Variants in GPATCH8 observed in about 807,000 individuals in gnomAD.
GPATCH8 encodes the protein G patch domain-containing protein 8.
Under a neutral mutation model 118.3 loss-of-function variants are expected in GPATCH8, and 18 were observed. That is an observed-to-expected ratio of 0.15 (90% CI 0.11 to 0.23). The LOEUF (loss-of-function observed/expected upper bound fraction) is 0.23. Ranked by LOEUF, GPATCH8 falls within the 10% of genes least tolerant of loss-of-function variation. The pLI is 1.00. For missense variants in GPATCH8, 1,631 were observed against 1,873.8 expected (o/e 0.87, Z 2.39); for synonymous variants, 659 against 684.7 (o/e 0.96, Z 0.59).
intron 3 of GPATCH8, among the ~76,000 whole-genome samples, chr17:44,454,653 C>A (rs971286678): frequency 1.3e-5 from 2 of 152,108 alleles, no homozygotes; most frequent in Non-Finnish European, 2.9e-5. Flanking sequence ...GAACTCCTGG[C>A]CTCAAGCAAT....
At chr17:44,423,401 T>C (rs2049983022) in intron 6 of GPATCH8, among the ~76,000 whole-genome samples, 1 of 152,160 alleles carries the variant, frequency 6.6e-6, no homozygotes, top group South Asian at 2.1e-4. Flanking sequence ...ATTCTTCCAG[T>C]TCTAGTAAGA....
chr17:44,396,303 T>C lies in GPATCH8; in HGVS notation c.*1265A>G, dbSNP rs756590008. 49 of 454,398 alleles carry C rather than the reference T, an allele frequency of 1.1e-4. No individual in the cohort carries two copies. The highest frequency in any genetic ancestry group is 1.9e-4 in the Non-Finnish European group (44 of 226,794). 28.1% of individuals were successfully genotyped at this position (454,398 alleles called of 1,614,324 possible). On this transcript the variant is annotated 3_prime_UTR_variant, in exon 8 of 8. Coordinates refer to ENST00000591680, the MANE Select transcript of GPATCH8 (RefSeq NM_001002909.4). ...GCTGTTGAATCCCCTCCTTCTCCTCTGTGGGGTCTACCTGTTTCTCTGTGT... is the reference window on the plus strand; with the variant it reads ...GCTGTTGAATCCCCTCCTTCTCCTCCGTGGGGTCTACCTGTTTCTCTGTGT...
In GPATCH8 at chr17:44,400,846, G is replaced by C; in HGVS notation, c.1231C>G (p.Leu411Val). 6.2e-7 allele frequency: 1 copy of C among 1,614,112 alleles called. No homozygotes were observed. The highest frequency in any genetic ancestry group is 8.5e-7 in the Non-Finnish European group (1 of 1,179,934). Residue 411 changes from leucine (L) to valine (V), a missense_variant, in exon 8 of 8, where the codon CTA (leucine) becomes GTA (valine). Around this residue, in one of 8 missense-constraint regions of GPATCH8, gnomAD observed 405 missense variants for 462.7 expected, o/e 0.88. Transcript: ENST00000591680. ...TGTTCACTGGCTCTCATAAAAAGTA[G>C]AAAGGGAAAATTAGGTTTTACTTTG... is the stretch of plus-strand genomic sequence containing the variant. ...HCKVKPNFPF[L>V]LFMRASEQMD...
At chr17:44,475,619 G>A (rs1435603816) in intron 1 of GPATCH8, among the ~76,000 whole-genome samples, 56 of 151,992 alleles carry the variant, frequency 3.7e-4, no homozygotes, top group African/African-American at 1.2e-3. Context: ...GCGTGAACCC[G>A]GGAGGCGGAG....
chr17:44,451,097 G>C (rs975394417), intron 3 of GPATCH8, among the ~76,000 whole-genome samples: 1 of 152,062 alleles, frequency 6.6e-6, no homozygotes, highest in African/African-American at 2.4e-5. Context: ...TAAAGACTTA[G>C]TACAGATCTG....
At chr17:44,486,899 C>A (rs1968826883) in intron 1 of GPATCH8, 1 of 151,710 alleles carries the variant, frequency 6.6e-6, no homozygotes, top group Non-Finnish European at 1.5e-5. Context: ...TTTATTTTTT[C>A]AAGCAGTTTT....
Position 44,399,621 on chromosome 17 carries a change from T to A in GPATCH8, c.2456A>T (p.Asp819Val), listed in dbSNP as rs2048930782. The A allele has an allele frequency of 6.2e-7, 1 of 1,614,160 alleles. No homozygotes were observed. Among genetic ancestry groups the A allele is most frequent in the East Asian group, 2.2e-5 (1 of 44,876 alleles). Residue 819 changes from aspartate to valine, a missense_variant, in exon 8 of 8, where the codon GAT (aspartate) becomes GTT (valine). Around this residue, in one of 8 missense-constraint regions of GPATCH8, gnomAD observed 922 missense variants for 879.7 expected, o/e 1.05. Transcript: ENST00000591680. ...HRSQPSSGDE[D>V]SDDASSHRLH... ...CCGGTGTGAGGAAGCATCATCACTATCCTCATCTCCACTACTGGGTTGGCT... is the reference window on the plus strand; with the variant it reads ...CCGGTGTGAGGAAGCATCATCACTAACCTCATCTCCACTACTGGGTTGGCT...
At chr17:44,502,477 T>G (rs1411391530) in intron 1 of GPATCH8, among the ~76,000 whole-genome samples, 1 of 152,160 alleles carries the variant, frequency 6.6e-6, no homozygotes, top group Non-Finnish European at 1.5e-5. Flanking sequence ...AAAGGTATTT[T>G]CAACAGCGAA....
In GPATCH8 at chr17:44,401,269, T is replaced by A. The variant is rs774580972; in HGVS notation, c.808A>T (p.Thr270Ser). 1 of 1,613,324 alleles carries A rather than the reference T, an allele frequency of 6.2e-7. No individual in the cohort carries two copies. The highest frequency in any genetic ancestry group is 8.5e-7 in the Non-Finnish European group (1 of 1,179,524). The change falls in exon 8 of 8, where the codon ACT becomes TCT. Residue 270 changes from threonine to serine, a missense_variant. Coordinates refer to ENST00000591680, the MANE Select transcript of GPATCH8 (RefSeq NM_001002909.4). ...AACCCAGGAGCCTGGGCCAGTCCAG[T>A]GGTATTAGTGATTTGTACTGCAGTG... ...PFTAVQITNT[T>S]GLAQAPGLAS...
At chr17:44,437,753 T>TG (rs146984908) in intron 3 of GPATCH8, among the ~76,000 whole-genome samples, 154 of 152,146 alleles carry the variant, frequency 1.0e-3, no homozygotes, top group African/African-American at 3.7e-3. Context: ...CACAACCACT[T>TG]GTACTCGGTG....
intron 1 of GPATCH8, among the ~76,000 whole-genome samples, chr17:44,502,959 C>T (rs1048695857): frequency 7.9e-5 from 12 of 152,240 alleles, no homozygotes; most frequent in Non-Finnish European, 1.3e-4. Context: ...CTCCCCCAAG[C>T]CCTCTCAGCC....
rs540464253 is a variant in GPATCH8 at position 44,443,955 on chromosome 17, T to C, written c.194-7410A>G. Among the ~76,000 whole-genome samples the C allele has an allele frequency of 5.5e-4, 84 of 152,338 alleles. No individual in the cohort carries two copies. In the East Asian group the frequency reaches 0.016, roughly 29 times the overall value. On this transcript the variant is annotated intron_variant, in intron 3 of 7. Transcript: ENST00000591680. Reference sequence around the variant, plus strand: ...CCACAAGGTGCTGGGATTACAGACATGAGCCATGGTGCCTGGCCAATTTGA... The same window carrying C: ...CCACAAGGTGCTGGGATTACAGACACGAGCCATGGTGCCTGGCCAATTTGA...
intron 6 of GPATCH8, among the ~76,000 whole-genome samples, chr17:44,415,031 A>C (rs1381709311): frequency 1.3e-5 from 2 of 152,210 alleles, no homozygotes; most frequent in Non-Finnish European, 2.9e-5. Context: ...ATGCTGCTAT[A>C]AACATTTTTA....
intron 3 of GPATCH8, among the ~76,000 whole-genome samples, chr17:44,438,500 CTTCT>C (rs1472054995): frequency 6.6e-6 from 1 of 151,868 alleles, no homozygotes; most frequent in East Asian, 1.9e-4. Flanking sequence ...AGATACATCC[CTTCT>C]TAACATTACC....
chr17:44,450,786 A>T (rs1031956231), intron 3 of GPATCH8, among the ~76,000 whole-genome samples: 6 of 152,220 alleles, frequency 3.9e-5, no homozygotes, highest in Admixed American at 3.3e-4. Flanking sequence ...CTCATGGAAG[A>T]ATAAAGAGAT....
intron 2 of GPATCH8, among the ~76,000 whole-genome samples, chr17:44,468,373 C>CTTTTTTTTTTTTT (rs869068538): frequency 3.0e-5 from 3 of 100,014 alleles, no homozygotes; most frequent in African/African-American, 4.3e-5. Flanking sequence ...TTCTTTGTTC[C>CTTTTTTTTTTTTT]TTTTTTTTTT....
At chr17:44,485,365 C>T (rs549802512) in intron 1 of GPATCH8, among the ~76,000 whole-genome samples, 9 of 152,292 alleles carry the variant, frequency 5.9e-5, no homozygotes, top group Admixed American at 3.3e-4. Flanking sequence ...CCCCCTGCTT[C>T]GGCCTCCAAA....
Position 44,396,911 on chromosome 17 carries a change from A to G in GPATCH8, c.*657T>C. On this transcript the variant is annotated 3_prime_UTR_variant, in exon 8 of 8. Transcript: ENST00000591680. ...TAGGATCTTCTTTTCTGGGATATGG[A>G]GATGCCTCTTCTGGGATGAGGGATA... 2.2e-6 allele frequency: 1 copy of G among 454,146 alleles called. No homozygotes were observed. The highest frequency in any genetic ancestry group is 4.4e-6 in the Non-Finnish European group (1 of 226,784). 28.1% of individuals were successfully genotyped at this position (454,146 alleles called of 1,614,324 possible). A position where few individuals can be genotyped will look rare whatever the true frequency, so the allele number is the denominator to read the frequency against.
rs375950534 is a variant in GPATCH8 at position 44,434,033 on chromosome 17, C to T, written c.348+1032G>A. Among the ~76,000 whole-genome samples the T allele has an allele frequency of 1.1e-3, 171 of 151,574 alleles. 1 individual carries two copies. The highest frequency in any genetic ancestry group is 3.9e-3 in the African/African-American group (160 of 41,294). On this transcript the variant is annotated intron_variant, in intron 5 of 7. Transcript: ENST00000591680. ...GCTCATACCTGTAGTCCCAGCTACT[C>T]GGAGGCTAAGGCACGAGAATCACTT...
Sources: gnomAD v4.1 joint callset for allele counts (sites outside exome capture counted in the v4.1 genomes callset) on GRCh38, gnomAD v4.1.1 for gene constraint, gnomAD v4.1.1 regional missense constraint, MANE v1.5 for transcripts, NCBI Gene and HGNC (gene_info 2026-07-23, HGNC 2026-07-21) for gene names.